SGMS1: variants seen among roughly 807,000 people sequenced by gnomAD.
The protein encoded by SGMS1 is sphingomyelin synthase 1.
Under a neutral mutation model 46.2 loss-of-function variants are expected in SGMS1, and 13 were observed. The ratio of observed to expected loss-of-function variants is 0.28; its 90% confidence interval spans 0.18 to 0.45. The LOEUF is 0.45. SGMS1 is among the 20% of genes least tolerant of loss of function. SGMS1 has a pLI of 1.00. For missense variants in SGMS1, 324 were observed against 519.9 expected (o/e 0.62, Z 3.66); for synonymous variants, 203 against 187.8 (o/e 1.08, Z -0.66).
Position 50,306,970 on chromosome 10 carries a change from G to C in SGMS1, c.*172C>G, listed in dbSNP as rs1847188823. 1.6e-6 allele frequency: 1 copy of C among 625,532 alleles called. No individual in the cohort carries two copies. The highest frequency in any genetic ancestry group is 2.7e-6 in the Non-Finnish European group (1 of 372,544). 38.7% of individuals were successfully genotyped at this position (625,532 alleles called of 1,614,324 possible). A position where few individuals can be genotyped will look rare whatever the true frequency, so the allele number is the denominator to read the frequency against. On this transcript the variant is annotated 3_prime_UTR_variant, in exon 11 of 11. Transcript: ENST00000361781. ...TTTTTCTTTATTGTTGTCCAACGCA[G>C]GTCCTTTGGAGAGAAAAAAAGATCA... is the stretch of plus-strand genomic sequence containing the variant.
At chr10:50,370,481 A>T (rs1484739736) in intron 6 of SGMS1, among the ~76,000 whole-genome samples, 1 of 150,982 alleles carries the variant, frequency 6.6e-6, no homozygotes, top group Non-Finnish European at 1.5e-5. Context: ...GGTGGCTCAC[A>T]CCTGTAATCT....
intron 1 of SGMS1, among the ~76,000 whole-genome samples, chr10:50,622,068 C>T (rs1413880437): frequency 1.3e-5 from 2 of 152,238 alleles, no homozygotes; most frequent in East Asian, 1.9e-4. Flanking sequence ...GCTGGCGCCT[C>T]CGACAGCAGG....
At chr10:50,410,713 C>G (rs1201734262) in intron 6 of SGMS1, among the ~76,000 whole-genome samples, 1 of 152,192 alleles carries the variant, frequency 6.6e-6, no homozygotes, top group African/African-American at 2.4e-5. Context: ...GGAACTTAGG[C>G]AGATTTCAAA....
At chr10:50,419,317 C>T (rs931566782) in intron 6 of SGMS1, among the ~76,000 whole-genome samples, 7 of 152,276 alleles carry the variant, frequency 4.6e-5, no homozygotes, top group South Asian at 2.1e-4. Context: ...CAAACTGGCT[C>T]GTAATTTTCA....
At chr10:50,395,406 G>A (rs1193111081) in intron 6 of SGMS1, among the ~76,000 whole-genome samples, 2 of 152,168 alleles carry the variant, frequency 1.3e-5, no homozygotes, top group African/African-American at 4.8e-5. Flanking sequence ...ACTGATGCAT[G>A]TGGATGATTA....
intron 2 of SGMS1, among the ~76,000 whole-genome samples, chr10:50,540,323 C>T (rs1041231283): frequency 1.3e-5 from 2 of 152,084 alleles, no homozygotes; most frequent in African/African-American, 4.8e-5. Flanking sequence ...TAGACTGGCT[C>T]GTCTGGCAGG....
intron 2 of SGMS1, among the ~76,000 whole-genome samples, chr10:50,581,232 T>G (rs974346193): frequency 3.3e-5 from 5 of 152,186 alleles, no homozygotes; most frequent in African/African-American, 1.2e-4. Context: ...CTCAGGGTGA[T>G]TCTAATGTGC....
At chr10:50,614,221 G>C (rs373557583) in intron 1 of SGMS1, among the ~76,000 whole-genome samples, 20 of 151,960 alleles carry the variant, frequency 1.3e-4, no homozygotes, top group African/African-American at 4.8e-4. Flanking sequence ...AATGAGTGCT[G>C]ACTTATATTT....
chr10:50,620,439 T>C (rs1838838635), intron 1 of SGMS1, among the ~76,000 whole-genome samples: 1 of 152,264 alleles, frequency 6.6e-6, no homozygotes, highest in Admixed American at 6.5e-5. Context: ...TATAACATGT[T>C]ATGCCCCCAC....
chr10:50,504,235 C>T (rs1019124986), intron 3 of SGMS1, among the ~76,000 whole-genome samples: 1 of 152,160 alleles, frequency 6.6e-6, no homozygotes, highest in African/African-American at 2.4e-5. Flanking sequence ...TCCCAGGCCC[C>T]TCCCCTGGAG....
intron 8 of SGMS1, among the ~76,000 whole-genome samples, chr10:50,318,654 C>A (rs1847388719): frequency 6.6e-6 from 1 of 152,106 alleles, no homozygotes; most frequent in Admixed American, 6.5e-5. Flanking sequence ...TCACTCCACT[C>A]CTGGAAAGAT....
intron 3 of SGMS1, among the ~76,000 whole-genome samples, chr10:50,481,125 G>A (rs549661356): frequency 3.9e-5 from 6 of 152,338 alleles, no homozygotes; most frequent in African/African-American, 1.2e-4. Context: ...GATGGAGTCC[G>A]AGCAGTCTGG....
At chr10:50,545,434 T>C (rs995683359) in intron 2 of SGMS1, among the ~76,000 whole-genome samples, 2 of 152,104 alleles carry the variant, frequency 1.3e-5, no homozygotes, top group Non-Finnish European at 2.9e-5. Flanking sequence ...TGTTGCTGTT[T>C]GTTTTGTTTT....
chr10:50,450,460 A>T (rs917375163), intron 5 of SGMS1, among the ~76,000 whole-genome samples: 2 of 152,188 alleles, frequency 1.3e-5, no homozygotes, highest in African/African-American at 4.8e-5. Context: ...CATGCCTTCA[A>T]ATATTTTTCT....
chr10:50,351,662 T>C (rs543376787), intron 6 of SGMS1, among the ~76,000 whole-genome samples: 9 of 152,318 alleles, frequency 5.9e-5, no homozygotes, highest in African/African-American at 2.2e-4. Context: ...GCTCCTCATT[T>C]TTCTCTTGCC....
At chr10:50,403,914 A>G (rs1848975727) in intron 6 of SGMS1, among the ~76,000 whole-genome samples, 2 of 151,728 alleles carry the variant, frequency 1.3e-5, no homozygotes, top group Admixed American at 1.3e-4. Flanking sequence ...CCCTTCTTTT[A>G]TTTCCTTTGT....
At chr10:50,336,453 G>A (rs993117450) in intron 7 of SGMS1, among the ~76,000 whole-genome samples, 2 of 152,202 alleles carry the variant, frequency 1.3e-5, no homozygotes, top group African/African-American at 4.8e-5. Context: ...GAAGGTTCCA[G>A]AGCTAGGACA....
intron 6 of SGMS1, among the ~76,000 whole-genome samples, chr10:50,421,585 GGACCTCC>G (rs1849254990): frequency 6.6e-6 from 1 of 152,230 alleles, no homozygotes; most frequent in East Asian, 1.9e-4. Context: ...AGTCACAACA[GGACCTCC>G]TGGAACTAGC....
At chr10:50,309,421 G>T (rs915853937) in intron 9 of SGMS1, among the ~76,000 whole-genome samples, 2 of 152,112 alleles carry the variant, frequency 1.3e-5, no homozygotes, top group Non-Finnish European at 2.9e-5. Flanking sequence ...TCTTCCCAGG[G>T]TCATAGAGCT....
Sources: allele counts gnomAD v4.1 joint callset (sites outside exome capture counted in the v4.1 genomes callset), GRCh38; gene constraint gnomAD v4.1.1; transcripts MANE v1.5; gene names NCBI Gene and HGNC (gene_info 2026-07-23, HGNC 2026-07-21).